Variants in DOCK8 observed in about 807,000 individuals in gnomAD.
DOCK8 encodes the protein dedicator of cytokinesis 8, also known as dedicator of cytokinesis protein 8.
A neutral mutation model predicts 245.6 loss-of-function variants in DOCK8; 141 were observed. The observed-to-expected ratio is 0.57, with a 90% CI of 0.50 to 0.66. The LOEUF (loss-of-function observed/expected upper bound fraction) is 0.66, where lower values mean the gene tolerates loss of function less well. Ranked by LOEUF, DOCK8 falls within the 30% of genes least tolerant of loss-of-function variation. DOCK8 has a pLI of 0.00. For missense variants in DOCK8, 2,965 were observed against 2,603.4 expected, an observed-to-expected ratio of 1.14 and a Z score of -3.02; for synonymous variants, 1,168 against 970.2, an observed-to-expected ratio of 1.20 and a Z score of -3.79.
At chr9:433,007 G>C (rs570025766) in intron 37 of DOCK8, among the ~76,000 whole-genome samples, 1 of 152,298 alleles carries the variant, frequency 6.6e-6, no homozygotes, top group South Asian at 2.1e-4. Context: ...ATGAATGAAT[G>C]AATGTTTTCT....
chr9:387,635 A>G (rs763242520), intron 23 of DOCK8, among the ~76,000 whole-genome samples: 3 of 152,150 alleles, frequency 2.0e-5, no homozygotes, highest in Non-Finnish European at 2.9e-5. Flanking sequence ...GGTGCTGTGC[A>G]CTTTGCAGTA....
chr9:229,923 C>CT (rs1214519228), intron 1 of DOCK8, among the ~76,000 whole-genome samples: 1 of 150,444 alleles, frequency 6.6e-6, no homozygotes. Flanking sequence ...TATTATTATA[C>CT]TTTAAGTTTT....
chr9:400,340 C>T (rs1183749914), intron 26 of DOCK8, among the ~76,000 whole-genome samples: 11 of 75,584 alleles, frequency 1.5e-4, no homozygotes, highest in Middle Eastern at 7.4e-3. Context: ...ACCACCTCCT[C>T]CACCACCACC....
chr9:422,586 G>T (rs181280384), intron 33 of DOCK8, among the ~76,000 whole-genome samples: 45 of 152,256 alleles, frequency 3.0e-4, no homozygotes, highest in African/African-American at 1.0e-3. Flanking sequence ...CTCCAGAATA[G>T]AAAAATATAT....
At chr9:326,245 G>A (rs1028183074) in intron 8 of DOCK8, among the ~76,000 whole-genome samples, 1 of 152,188 alleles carries the variant, frequency 6.6e-6, no homozygotes, top group Non-Finnish European at 1.5e-5. Flanking sequence ...ACTCCTAGAA[G>A]AGGACAGCAA....
At chr9:249,680 C>T (rs528088539) in intron 1 of DOCK8, among the ~76,000 whole-genome samples, 4 of 152,070 alleles carry the variant, frequency 2.6e-5, no homozygotes, top group African/African-American at 4.8e-5. Flanking sequence ...TGCAGTGGCA[C>T]AATCTTGGCT....
chr9:382,553 G>A lies in DOCK8; in HGVS notation c.2646G>A (p.Thr882=), dbSNP rs373515697. ...TALLDPRSYH[T]YGRTSAAAVS... is the part of the protein sequence containing the mutation. ...TCCTAGACCCTCGGAGCTACCACAC[G>A]TATGGCCGCACATCAGCTGCTGCTG... Residue 882 remains threonine, a synonymous_variant, in exon 22 of 48, where the codon ACG becomes ACA. Transcript: ENST00000432829. The A allele has an allele frequency of 1.3e-4, 212 of 1,613,996 alleles. 3 individuals carry two copies. The South Asian group carries it at 2.0e-3, about 15-fold the overall frequency.
chr9:448,394 C>T (rs1241391962), intron 44 of DOCK8, among the ~76,000 whole-genome samples: 1 of 152,226 alleles, frequency 6.6e-6, no homozygotes, highest in African/African-American at 2.4e-5. Context: ...AAGTGTGAGC[C>T]ACTGCACCAG....
chr9:368,122 G>A lies in DOCK8; in HGVS notation c.1784G>A (p.Ser595Asn). 1 of 1,613,978 alleles carries A rather than the reference G, an allele frequency of 6.2e-7. No individual in the cohort carries two copies. Among genetic ancestry groups the A allele is most frequent in the Non-Finnish European group, 8.5e-7 (1 of 1,179,826 alleles). Residue 595 changes from serine to asparagine, a missense_variant, in exon 15 of 48, where the codon AGC becomes AAC. By Grantham distance (46) the Ser-to-Asn change is conservative. Transcript: ENST00000432829. ...KIQFMCGEDASNAMPVIFGKS... is the reference protein window; with the variant it reads ...KIQFMCGEDANNAMPVIFGKS... ...CAGTTTATGTGTGGAGAAGATGCTAGCAATGCGATGCCGGTAAGGAGGGAA... is the reference window on the plus strand; with the variant it reads ...CAGTTTATGTGTGGAGAAGATGCTAACAATGCGATGCCGGTAAGGAGGGAA...
intron 2 of DOCK8, chr9:272,950 C>T (rs16926614): frequency 3.9e-6 from 3 of 763,860 alleles, no homozygotes; most frequent in African/African-American, 1.9e-5. Context: ...TGCTGCTTAT[C>T]TTGAAGAGGT....
intron 14 of DOCK8, among the ~76,000 whole-genome samples, chr9:347,941 A>G (rs967470416): frequency 6.6e-6 from 1 of 152,220 alleles, no homozygotes; most frequent in African/African-American, 2.4e-5. Flanking sequence ...CTTTTTCGTT[A>G]CAAAACATAT....
At chr9:348,822 G>A (rs2052023677) in intron 14 of DOCK8, among the ~76,000 whole-genome samples, 1 of 152,194 alleles carries the variant, frequency 6.6e-6, no homozygotes, top group Non-Finnish European at 1.5e-5. Flanking sequence ...CTATTGGGAA[G>A]TTGTGGGGGA....
intron 14 of DOCK8, among the ~76,000 whole-genome samples, chr9:351,774 G>C (rs1420419600): frequency 1.3e-5 from 2 of 152,174 alleles, no homozygotes; most frequent in African/African-American, 4.8e-5. Context: ...GATGCTTTCT[G>C]GTTAAAGATG....
At chr9:403,852 C>T (rs2055226186) in intron 26 of DOCK8, among the ~76,000 whole-genome samples, 1 of 110,220 alleles carries the variant, frequency 9.1e-6, no homozygotes, top group South Asian at 3.4e-4. Context: ...CAGAGCAAGA[C>T]TCTGTATCTC....
rs1338488271 is a variant in DOCK8, at chr9:400,028, CCAT to C, written c.3234+772_3234+774del. 3.9e-4 allele frequency among the ~76,000 whole-genome samples: 36 copies of C among 92,248 alleles called. 3 individuals are homozygous for C. Among genetic ancestry groups the C allele is most frequent in the East Asian group, 1.7e-3 (4 of 2,310 alleles). 60.5% of individuals were successfully genotyped at this position (92,248 alleles called of 152,430 possible). A position where few individuals can be genotyped will look rare whatever the true frequency, so the allele number is the denominator to read the frequency against. On this transcript the variant is annotated intron_variant, in intron 26 of 47. Coordinates refer to ENST00000432829, the MANE Select transcript of DOCK8 (RefSeq NM_203447.4). ...ACCTCCACCATCACCACCACCTCCA[CCAT>C]CACCACCACCACCTCCACCATCACC...
rs147761933 is a variant in DOCK8 at position 341,937 on chromosome 9, G to A, written c.1679+1616G>A. Among the ~76,000 whole-genome samples the A allele has an allele frequency of 3.5e-3, 527 of 152,260 alleles. 7 individuals are homozygous for A. Among genetic ancestry groups the A allele is most frequent in the African/African-American group, 0.012 (496 of 41,546 alleles). On this transcript the variant is annotated intron_variant, in intron 14 of 47. Coordinates refer to ENST00000432829, the MANE Select transcript of DOCK8 (RefSeq NM_203447.4). ...CATATATGAGGCATCTAGGTTGTGC[G>A]CTCCTTATGAGAATCTAATGCCTGA...
chr9:233,202 C>T (rs1347193136), intron 1 of DOCK8, among the ~76,000 whole-genome samples: 21 of 152,084 alleles, frequency 1.4e-4, no homozygotes, highest in South Asian at 4.1e-4. Flanking sequence ...TGTAGTTGAG[C>T]GGTTTTGAGT....
At chr9:228,422 C>G (rs539210428) in intron 1 of DOCK8, among the ~76,000 whole-genome samples, 1 of 152,142 alleles carries the variant, frequency 6.6e-6, no homozygotes, top group South Asian at 2.1e-4. Context: ...CACTGACATA[C>G]TACCTTTCAG....
At chr9:332,593 A>C in intron 10 of DOCK8, 115 bp downstream of exon 10, 1 of 627,350 alleles carries the variant, frequency 1.6e-6, no homozygotes, top group East Asian at 2.9e-5. Context: ...TATATAAGAC[A>C]CTACTACATT....
Sources: gnomAD v4.1 joint callset for allele counts (sites outside exome capture counted in the v4.1 genomes callset) on GRCh38, gnomAD v4.1.1 for gene constraint, MANE v1.5 for transcripts, NCBI Gene and HGNC (gene_info 2026-07-23, HGNC 2026-07-21) for gene names.